The following ADAMTS3 variants were observed in gnomAD, a reference collection of about 807,000 sequenced individuals.
The protein encoded by ADAMTS3 is A disintegrin and metalloproteinase with thrombospondin motifs 3.
ADAMTS3 carries 73 observed loss-of-function variants against 129.0 expected under a neutral mutation model. The ratio of observed to expected loss-of-function variants is 0.57; its 90% CI spans 0.47 to 0.69. ADAMTS3 has a LOEUF of 0.69. Ranked by LOEUF, ADAMTS3 falls within the 30% of genes least tolerant of loss-of-function variation. ADAMTS3 has a pLI of 0.00. For missense variants in ADAMTS3, 1,457 were observed against 1,514.5 expected, an observed-to-expected ratio of 0.96 and a Z score of 0.63; for synonymous variants, 477 against 510.8, an observed-to-expected ratio of 0.93 and a Z score of 0.89.
At chr4:72,384,443 G>A (rs72852004) in intron 4 of ADAMTS3, among the ~76,000 whole-genome samples, 6 of 152,102 alleles carry the variant, frequency 3.9e-5, no homozygotes, top group Admixed American at 2.6e-4. Flanking sequence ...ATTTATGGGA[G>A]AATAATGTTA....
intron 3 of ADAMTS3, among the ~76,000 whole-genome samples, chr4:72,543,254 T>C (rs1416417956): frequency 1.3e-5 from 2 of 152,154 alleles, no homozygotes; most frequent in African/African-American, 2.4e-5. Flanking sequence ...TATATCTTTA[T>C]CAGCAGTGTA....
At chr4:72,459,406 A>G (rs1228488723) in intron 3 of ADAMTS3, among the ~76,000 whole-genome samples, 2 of 151,658 alleles carry the variant, frequency 1.3e-5, no homozygotes, top group East Asian at 3.9e-4. Context: ...AGTCTTCTAA[A>G]AAGAAATCCT....
At chr4:72,311,720 CAT>C (rs756739882) in intron 13 of ADAMTS3, among the ~76,000 whole-genome samples, 25 of 152,130 alleles carry the variant, frequency 1.6e-4, no homozygotes, top group Non-Finnish European at 2.8e-4. Context: ...TGCATGTAAT[CAT>C]ATAACTATTT....
intron 3 of ADAMTS3, among the ~76,000 whole-genome samples, chr4:72,538,433 A>C (rs2109773916): frequency 6.6e-6 from 1 of 152,266 alleles, no homozygotes; most frequent in East Asian, 1.9e-4. Flanking sequence ...CAAGACAATC[A>C]GCAGATTTCT....
intron 3 of ADAMTS3, among the ~76,000 whole-genome samples, chr4:72,476,663 G>A (rs537962999): frequency 6.6e-6 from 1 of 152,204 alleles, no homozygotes; most frequent in African/African-American, 2.4e-5. Context: ...CAAAGGGAGG[G>A]AAGGAAGAAG....
chr4:72,368,686 G>T (rs904437801), intron 4 of ADAMTS3, among the ~76,000 whole-genome samples: 4 of 152,200 alleles, frequency 2.6e-5, no homozygotes, highest in African/African-American at 7.2e-5. Flanking sequence ...AAGGACCAGT[G>T]ATTGATGCCA....
intron 3 of ADAMTS3, among the ~76,000 whole-genome samples, chr4:72,431,775 A>G (rs954529026): frequency 6.6e-6 from 1 of 151,964 alleles, no homozygotes; most frequent in Non-Finnish European, 1.5e-5. Context: ...GTGAAGGGAT[A>G]TAACTATTTG....
At chr4:72,490,060 G>A (rs1719699675) in intron 3 of ADAMTS3, among the ~76,000 whole-genome samples, 1 of 151,826 alleles carries the variant, frequency 6.6e-6, no homozygotes, top group Non-Finnish European at 1.5e-5. Context: ...CATTTCAACA[G>A]GTGTGATGCG....
chr4:72,436,814 C>T (rs552023004), intron 3 of ADAMTS3, among the ~76,000 whole-genome samples: 7 of 151,344 alleles, frequency 4.6e-5, no homozygotes. Context: ...AATGAGAACA[C>T]TTGGACACAG....
intron 3 of ADAMTS3, among the ~76,000 whole-genome samples, chr4:72,429,689 A>G (rs1237733900): frequency 6.6e-6 from 1 of 152,078 alleles, no homozygotes; most frequent in East Asian, 1.9e-4. Flanking sequence ...AAGATAAGCT[A>G]GATTCTAATC....
At position 72,309,282 on chromosome 4, in the gene ADAMTS3, A is replaced by G. The variant is rs892618199; in HGVS notation, c.2179+115T>C. The G allele has an allele frequency of 3.8e-5, 39 of 1,031,794 alleles. No individual in the cohort carries two copies. In the African/African-American group the frequency reaches 6.3e-4, roughly 17 times the overall value. 63.9% of individuals were successfully genotyped at this position (1,031,794 alleles called of 1,614,324 possible). On this transcript the variant is annotated intron_variant, in intron 15 of 21. Coordinates refer to ENST00000286657, the MANE Select transcript of ADAMTS3 (RefSeq NM_014243.3). ...AAGGTAATCTGAATAACAATAAATCAGCAGCTAAATTTTGATTATGTTTAT... is the reference window on the plus strand; with the variant it reads ...AAGGTAATCTGAATAACAATAAATCGGCAGCTAAATTTTGATTATGTTTAT...
At chr4:72,479,153 A>C (rs1004616255) in intron 3 of ADAMTS3, among the ~76,000 whole-genome samples, 1 of 152,192 alleles carries the variant, frequency 6.6e-6, no homozygotes, top group Non-Finnish European at 1.5e-5. Flanking sequence ...CATACCCATC[A>C]AGCTACCAAT....
At chr4:72,394,971 G>T (rs1333907131) in intron 4 of ADAMTS3, among the ~76,000 whole-genome samples, 16 of 151,722 alleles carry the variant, frequency 1.1e-4, no homozygotes, top group African/African-American at 3.6e-4. Flanking sequence ...TGTTGCCCAG[G>T]CTGAGTGCAG....
At chr4:72,312,178 C>A in intron 13 of ADAMTS3, 113 bp downstream of exon 13, 2 of 1,180,598 alleles carry the variant, frequency 1.7e-6, no homozygotes, top group Non-Finnish European at 2.4e-6. Flanking sequence ...CTATAAGCAC[C>A]AAGTTTCCTA....
At chr4:72,368,601 A>G (rs1720928508) in intron 4 of ADAMTS3, among the ~76,000 whole-genome samples, 1 of 152,218 alleles carries the variant, frequency 6.6e-6, no homozygotes, top group Non-Finnish European at 1.5e-5. Context: ...AACTGAGAAA[A>G]CAAAATGAAT....
chr4:72,370,843 T>C (rs1344943344), intron 4 of ADAMTS3, among the ~76,000 whole-genome samples: 1 of 152,208 alleles, frequency 6.6e-6, no homozygotes, highest in Non-Finnish European at 1.5e-5. Context: ...GGTTGACATG[T>C]GCCCCCTGAA....
chr4:72,468,362 T>A (rs1366413245), intron 3 of ADAMTS3, among the ~76,000 whole-genome samples: 1 of 152,022 alleles, frequency 6.6e-6, no homozygotes, highest in African/African-American at 2.4e-5. Context: ...CAGGACAATA[T>A]CCCAAATTTC....
intron 3 of ADAMTS3, among the ~76,000 whole-genome samples, chr4:72,497,660 C>A (rs1461678017): frequency 6.6e-6 from 1 of 151,426 alleles, no homozygotes; most frequent in African/African-American, 2.4e-5. Flanking sequence ...ATTCAAAGAT[C>A]TGAAACTAAA....
intron 4 of ADAMTS3, among the ~76,000 whole-genome samples, chr4:72,411,405 T>C (rs1489045758): frequency 2.6e-5 from 4 of 152,266 alleles, no homozygotes; most frequent in Non-Finnish European, 5.9e-5. Context: ...TCTTGTTTTC[T>C]GGAGACATAA....
Sources: gnomAD v4.1 joint callset for allele counts (sites outside exome capture counted in the v4.1 genomes callset) on GRCh38, gnomAD v4.1.1 for gene constraint, MANE v1.5 for transcripts, NCBI Gene and HGNC (gene_info 2026-07-23, HGNC 2026-07-21) for gene names.